The following PDE6D variants were observed in gnomAD, a reference collection of about 807,000 sequenced individuals.
PDE6D encodes retinal rod rhodopsin-sensitive cGMP 3',5'-cyclic phosphodiesterase subunit delta.
A neutral mutation model predicts 21.9 loss-of-function variants in PDE6D; 10 were observed. The ratio of observed to expected loss-of-function variants is 0.46; its 90% CI spans 0.28 to 0.78. The LOEUF (loss-of-function observed/expected upper bound fraction) is 0.78, where lower values mean the gene tolerates loss of function less well. Among genes scored for constraint, PDE6D ranks in the 30% least tolerant of loss-of-function variants. PDE6D has a pLI of 0.12. For missense variants in PDE6D, 139 were observed against 184.8 expected, an observed-to-expected ratio of 0.75 and a Z score of 1.44; for synonymous variants, 59 against 63.5, an observed-to-expected ratio of 0.93 and a Z score of 0.34.
intron 1 of PDE6D, among the ~76,000 whole-genome samples, chr2:231,757,460 G>A (rs1208070959): frequency 6.6e-6 from 1 of 152,078 alleles, no homozygotes; most frequent in African/African-American, 2.4e-5. Flanking sequence ...ACCACGCCCA[G>A]CTAATTGTTG....
intron 3 of PDE6D, 92 bp from the exon 4 acceptor site, chr2:231,737,384 A>C (rs754506427): frequency 9.5e-6 from 6 of 633,040 alleles, no homozygotes; most frequent in Non-Finnish European, 1.7e-5. Context: ...GCCTCTTCCT[A>C]CCCTGAGAAC....
rs943717429 is a variant in PDE6D, at chr2:231,737,411, C to T, written c.266-119G>A. 3 of 589,532 alleles carry T rather than the reference C, an allele frequency of 5.1e-6. No individual in the cohort carries two copies. The South Asian group carries it at 6.2e-5, about 12-fold the overall frequency. The allele number at this position is 589,532 out of a possible 1,614,324, so 36.5% of individuals were successfully genotyped here. ...CCTGAGAACCACCAAAGGAAGCTAT[C>T]AGCAACCTCTCAGACCAGGGGCGTA... On this transcript the variant is annotated intron_variant, in intron 3 of 4. Coordinates refer to ENST00000287600, the MANE Select transcript of PDE6D (RefSeq NM_002601.4).
At chr2:231,735,576 G>A in intron 4 of PDE6D, among the ~76,000 whole-genome samples, 1 of 151,596 alleles carries the variant, frequency 6.6e-6, no homozygotes, top group East Asian at 2.0e-4. Context: ...GGGATTACAG[G>A]TGTGAGCCAC....
Position 231,739,420 on chromosome 2 carries a change from C to T in PDE6D, c.51-232G>A, listed in dbSNP as rs1197377870. 1.5e-5 allele frequency: 9 copies of T among 586,614 alleles called. No individual in the cohort carries two copies. Among genetic ancestry groups the T allele is most frequent in the Admixed American group, 2.6e-5 (1 of 37,868 alleles). The allele number at this position is 586,614 out of a possible 1,614,324, so 36.3% of individuals were successfully genotyped here. A position where few individuals can be genotyped will look rare whatever the true frequency, so the allele number is the denominator to read the frequency against. ...TCTATGAGAATCCTAAGACTGCACA[C>T]ACCTAGAGACTGCAAGAAAGGGACA... On this transcript the variant is annotated intron_variant, in intron 1 of 4. Coordinates refer to ENST00000287600, the MANE Select transcript of PDE6D (RefSeq NM_002601.4). This position sits in a 1 kb window ranked among gnomAD's most constrained non-coding sequence, Gnocchi z 4.2.
chr2:231,741,204 G>A lies in PDE6D; in HGVS notation c.51-2016C>T, dbSNP rs1490941218. ...CAGAATATCAAAGATAAAGAAAAGCGAAAAGCTTCCAGAGGTTAAACAAGT... is the reference window on the plus strand; with the variant it reads ...CAGAATATCAAAGATAAAGAAAAGCAAAAAGCTTCCAGAGGTTAAACAAGT... On this transcript the variant is annotated intron_variant, in intron 1 of 4. Coordinates refer to ENST00000287600, the MANE Select transcript of PDE6D (RefSeq NM_002601.4). Among the ~76,000 whole-genome samples the A allele has an allele frequency of 3.4e-5, 5 of 148,744 alleles. No individual in the cohort carries two copies. The East Asian group carries it at 7.9e-4, about 24-fold the overall frequency.
chr2:231,753,449 G>C (rs1218255073), intron 1 of PDE6D, among the ~76,000 whole-genome samples: 1 of 152,022 alleles, frequency 6.6e-6, no homozygotes, highest in African/African-American at 2.4e-5. Context: ...TACTCCGGAG[G>C]GTGAGGCGGG....
chr2:231,753,271 C>A (rs1454452238), intron 1 of PDE6D, among the ~76,000 whole-genome samples: 1 of 151,498 alleles, frequency 6.6e-6, no homozygotes, highest in African/African-American at 2.4e-5. Flanking sequence ...CGCCTGTAAT[C>A]CCGGCACTTT....
At chr2:231,747,509 T>C (rs537807141) in intron 1 of PDE6D, among the ~76,000 whole-genome samples, 2 of 152,380 alleles carry the variant, frequency 1.3e-5, no homozygotes, top group South Asian at 4.1e-4. Flanking sequence ...GCTATTATTA[T>C]TATCAATGAC....
intron 1 of PDE6D, among the ~76,000 whole-genome samples, chr2:231,773,005 A>C (rs1171610997): frequency 6.6e-6 from 1 of 152,216 alleles, no homozygotes; most frequent in African/African-American, 2.4e-5. Flanking sequence ...TGGGAAGCCA[A>C]GGTGGGCAAA....
At chr2:231,749,627 G>C (rs943049999) in intron 1 of PDE6D, among the ~76,000 whole-genome samples, 2 of 151,786 alleles carry the variant, frequency 1.3e-5, no homozygotes, top group Non-Finnish European at 2.9e-5. Flanking sequence ...TGCCTCCCGG[G>C]TTCAAGTGAT....
At chr2:231,766,884 C>T (rs753736271) in intron 1 of PDE6D, among the ~76,000 whole-genome samples, 2 of 148,364 alleles carry the variant, frequency 1.3e-5, no homozygotes, top group East Asian at 2.1e-4. Context: ...CCCAGCTACT[C>T]GGGAGGCTGA....
chr2:231,774,091 G>A (rs867734075), intron 1 of PDE6D, among the ~76,000 whole-genome samples: 1 of 151,822 alleles, frequency 6.6e-6, no homozygotes, highest in Non-Finnish European at 1.5e-5. Context: ...ACACCACTAC[G>A]CCTGACTAAT....
chr2:231,781,088 C>G lies in PDE6D; in HGVS notation c.27G>C (p.Arg9Ser), dbSNP rs560157993. Residue 9 changes from arginine (R) to serine (S), a missense_variant, in exon 1 of 5, where the codon AGG (arginine) becomes AGC (serine). Coordinates refer to ENST00000287600, the MANE Select transcript of PDE6D (RefSeq NM_002601.4). Reference sequence around the variant, plus strand: ...ACAGTTTGAAGCCCCTCAGGATCTCCCTGGCCCGCTCGTCCTTGGCTGACA... The same window carrying G: ...ACAGTTTGAAGCCCCTCAGGATCTCGCTGGCCCGCTCGTCCTTGGCTGACA... MSAKDERA[R>S]EILRGFKLNW... The G allele has an allele frequency of 1.2e-6, 2 of 1,613,580 alleles. No homozygotes were observed. Among genetic ancestry groups the G allele is most frequent in the South Asian group, 2.2e-5 (2 of 91,072 alleles).
intron 1 of PDE6D, among the ~76,000 whole-genome samples, chr2:231,757,449 G>T (rs1012857203): frequency 9.2e-5 from 14 of 151,976 alleles, no homozygotes; most frequent in African/African-American, 3.1e-4. Flanking sequence ...AGGAGCGTGC[G>T]ACCACGCCCA....
rs1018029648 is a variant in PDE6D at position 231,741,258 on chromosome 2, G to GA, written c.51-2071dup. ...TATACAAAGGGTCAAATCAGAATAG[G>GA]AAAAAAAATCAGAATAAATCAAATT... On this transcript the variant is annotated intron_variant, in intron 1 of 4. Coordinates refer to ENST00000287600, the MANE Select transcript of PDE6D (RefSeq NM_002601.4). Among the ~76,000 whole-genome samples, 4 of 151,736 alleles carry GA rather than the reference G, an allele frequency of 2.6e-5. 1 individual carries two copies. The East Asian group carries it at 7.7e-4, about 29-fold the overall frequency.
chr2:231,733,849 A>G (rs2048671478), intron 4 of PDE6D, among the ~76,000 whole-genome samples: 1 of 149,878 alleles, frequency 6.7e-6, no homozygotes, highest in South Asian at 2.1e-4. Context: ...CCATTTGTAA[A>G]ATGGGAGAGA....
intron 1 of PDE6D, among the ~76,000 whole-genome samples, chr2:231,778,223 G>A (rs535233984): frequency 6.6e-6 from 1 of 152,248 alleles, no homozygotes; most frequent in Non-Finnish European, 1.5e-5. Flanking sequence ...CCAAGATTGC[G>A]CCACTGCATT....
At chr2:231,761,903 C>T (rs929925692) in intron 1 of PDE6D, among the ~76,000 whole-genome samples, 1 of 152,146 alleles carries the variant, frequency 6.6e-6, no homozygotes, top group Non-Finnish European at 1.5e-5. Flanking sequence ...ACTACATACC[C>T]TTGGGAACAG....
At chr2:231,734,846 C>CAAAA (rs781430047) in intron 4 of PDE6D, among the ~76,000 whole-genome samples, 4 of 65,080 alleles carry the variant, frequency 6.1e-5, no homozygotes, top group Non-Finnish European at 9.2e-5. Flanking sequence ...GACTCCGTCT[C>CAAAA]AAAAAAAAAA....
Sources: allele counts gnomAD v4.1 joint callset (sites outside exome capture counted in the v4.1 genomes callset), GRCh38; gene constraint gnomAD v4.1.1; non-coding constraint Gnocchi (gnomAD v3.1); transcripts MANE v1.5; gene names NCBI Gene and HGNC (gene_info 2026-07-23, HGNC 2026-07-21).